The following OPRD1 variants were observed in gnomAD, a reference collection of about 807,000 sequenced individuals.
The protein encoded by OPRD1 is opioid receptor delta 1.
Under a neutral mutation model 17.5 loss-of-function variants are expected in OPRD1, and 19 were observed. The ratio of observed to expected loss-of-function variants is 1.09; its 90% CI spans 0.76 to 1.60. The LOEUF (loss-of-function observed/expected upper bound fraction) is 1.60. Ranked by LOEUF, OPRD1 falls within the 40% of genes most tolerant of loss-of-function variation. OPRD1 has a pLI of 0.00. For missense variants in OPRD1, 483 were observed against 547.2 expected (o/e 0.88, Z 1.17); for synonymous variants, 256 against 240.9 (o/e 1.06, Z -0.58).
chr1:28,832,820 CAT>C (rs903834057), intron 1 of OPRD1, among the ~76,000 whole-genome samples: 2 of 152,148 alleles, frequency 1.3e-5, no homozygotes, highest in African/African-American at 2.4e-5. Flanking sequence ...AATGAGAGAA[CAT>C]GTGTGATGCT....
chr1:28,863,019 G>A lies in OPRD1; in HGVS notation c.855G>A (p.Thr285=). The change falls in exon 3 of 3, where the codon ACG becomes ACA. Residue 285 remains threonine, a synonymous_variant. Coordinates refer to ENST00000234961, the MANE Select transcript of OPRD1 (RefSeq NM_000911.4). ...APIHIFVIVW[T]LVDIDRRDPL... The stretch of plus-strand genomic sequence containing the variant: ...TCCACATCTTCGTCATCGTCTGGAC[G>A]CTGGTGGACATCGACCGGCGCGACC... 6.2e-7 allele frequency: 1 copy of A among 1,608,838 alleles called. No individual in the cohort carries two copies. Among genetic ancestry groups the A allele is most frequent in the Non-Finnish European group, 8.5e-7 (1 of 1,177,668 alleles).
chr1:28,839,241 C>T (rs1406575971), intron 1 of OPRD1, among the ~76,000 whole-genome samples: 1 of 152,130 alleles, frequency 6.6e-6, no homozygotes, highest in Non-Finnish European at 1.5e-5. Flanking sequence ...TTTCTGGTGG[C>T]TCCAGGCTCT....
intron 1 of OPRD1, among the ~76,000 whole-genome samples, chr1:28,820,191 A>AGATTTTTT (rs2088700627): frequency 1.4e-5 from 2 of 148,022 alleles, no homozygotes; most frequent in African/African-American, 5.1e-5. Flanking sequence ...CAGAGGAACT[A>AGATTTTTT]GATTTTTTTT....
In OPRD1 at chr1:28,870,603, C is replaced by T. The variant is rs1183281496; in HGVS notation, c.*7320C>T. 6.6e-6 allele frequency: 1 copy of T among 152,218 alleles called. No individual in the cohort carries two copies. The highest frequency in any genetic ancestry group is 1.5e-5 in the Non-Finnish European group (1 of 68,092). The allele number at this position is 152,218 out of a possible 1,614,324, so 9.4% of individuals were successfully genotyped here. On this transcript the variant is annotated 3_prime_UTR_variant, in exon 3 of 3. Coordinates refer to ENST00000234961, the MANE Select transcript of OPRD1 (RefSeq NM_000911.4). ...AGAAAGGCTTTTCTCTTTTAACCAT[C>T]TCCTTGAATTTCAGAAGGTGGGACA... is the stretch of plus-strand genomic sequence containing the variant.
intron 1 of OPRD1, among the ~76,000 whole-genome samples, chr1:28,846,834 T>C (rs1253135470): frequency 1.3e-5 from 1 of 76,258 alleles, no homozygotes; most frequent in Non-Finnish European, 2.6e-5. Context: ...TCTTTCTTTC[T>C]TTCTTTCTTT....
At chr1:28,840,438 A>G (rs1156256868) in intron 1 of OPRD1, among the ~76,000 whole-genome samples, 2 of 152,198 alleles carry the variant, frequency 1.3e-5, no homozygotes, top group Non-Finnish European at 2.9e-5. Context: ...TGAAGGACAC[A>G]TAGAGTACTT....
At chr1:28,860,257 T>C (rs919021970) in intron 2 of OPRD1, among the ~76,000 whole-genome samples, 3 of 151,782 alleles carry the variant, frequency 2.0e-5, no homozygotes, top group African/African-American at 4.8e-5. Context: ...CCCAGCTACT[T>C]GGGAGGCTGA....
intron 1 of OPRD1, among the ~76,000 whole-genome samples, chr1:28,850,741 C>T (rs931158854): frequency 6.7e-6 from 1 of 150,362 alleles, no homozygotes; most frequent in Non-Finnish European, 1.5e-5. Context: ...TGTGATCACA[C>T]GAGTGCACTC....
Position 28,862,928 on chromosome 1 carries a change from G to T in OPRD1, c.764G>T (p.Ser255Ile). ...TCGGGCTCCAAGGAGAAGGACCGCA[G>T]CCTGCGGCGCATCACGCGCATGGTG... ...LLSGSKEKDR[S>I]LRRITRMVLV... is the part of the protein sequence containing the mutation. Residue 255 changes from serine (S) to isoleucine (I), a missense_variant, in exon 3 of 3, where the codon AGC (serine) becomes ATC (isoleucine). Coordinates refer to ENST00000234961, the MANE Select transcript of OPRD1 (RefSeq NM_000911.4). 6.2e-7 allele frequency: 1 copy of T among 1,612,792 alleles called. No homozygotes were observed.
chr1:28,849,493 T>TAC (rs370722261), intron 1 of OPRD1, among the ~76,000 whole-genome samples: 3 of 151,522 alleles, frequency 2.0e-5, no homozygotes, highest in Admixed American at 6.6e-5. Flanking sequence ...CTGATACACA[T>TAC]ACACACACAC....
rs1430675257 is a variant in OPRD1 at position 28,865,387 on chromosome 1, C to G, written c.*2104C>G. 4 of 152,202 alleles carry G rather than the reference C, an allele frequency of 2.6e-5. No homozygotes were observed. Among genetic ancestry groups the G allele is most frequent in the Non-Finnish European group, 5.9e-5 (4 of 68,042 alleles). 9.4% of individuals were successfully genotyped at this position (152,202 alleles called of 1,614,324 possible). ...GAAAAAGAAACAATATACTTCTTTT[C>G]CCTTTGACAGCCATGTCTTTGGAAC... is the stretch of plus-strand genomic sequence containing the variant. On this transcript the variant is annotated 3_prime_UTR_variant, in exon 3 of 3. Transcript: ENST00000234961.
chr1:28,814,280 T>G (rs2088655193), intron 1 of OPRD1, among the ~76,000 whole-genome samples: 2 of 152,200 alleles, frequency 1.3e-5, no homozygotes, highest in South Asian at 4.1e-4. Flanking sequence ...CCTCAGTTTC[T>G]TCATCTGTAG....
intron 2 of OPRD1, among the ~76,000 whole-genome samples, chr1:28,860,586 A>C (rs138521847): frequency 6.6e-6 from 1 of 152,216 alleles, no homozygotes; most frequent in South Asian, 2.1e-4. Flanking sequence ...CCAAGGCCCA[A>C]TGAATAATAG....
At chr1:28,860,963 C>T (rs1318385277) in intron 2 of OPRD1, among the ~76,000 whole-genome samples, 3 of 152,186 alleles carry the variant, frequency 2.0e-5, no homozygotes, top group Non-Finnish European at 4.4e-5. Context: ...AACTGCATCC[C>T]TCCTGGGGCT....
At chr1:28,826,792 A>G (rs766909010) in intron 1 of OPRD1, among the ~76,000 whole-genome samples, 3 of 152,152 alleles carry the variant, frequency 2.0e-5, no homozygotes, top group Admixed American at 6.6e-5. Context: ...TGCTGCATCA[A>G]TTGAGTCTTT....
At chr1:28,860,515 T>A (rs1161431270) in intron 2 of OPRD1, among the ~76,000 whole-genome samples, 1 of 152,106 alleles carries the variant, frequency 6.6e-6, no homozygotes, top group Non-Finnish European at 1.5e-5. Flanking sequence ...TATCATGAGA[T>A]GTTGAGAAGG....
chr1:28,859,679 T>A (rs1217661074), intron 2 of OPRD1, among the ~76,000 whole-genome samples: 1 of 152,180 alleles, frequency 6.6e-6, no homozygotes, highest in Admixed American at 6.6e-5. Context: ...GATGGTTGGA[T>A]GTCCAGTGAG....
In OPRD1 at chr1:28,834,381, CTTT is replaced by C. The variant is rs11306242; in HGVS notation, c.227+21786_227+21788del. On this transcript the variant is annotated intron_variant, in intron 1 of 2. Transcript: ENST00000234961. ...TCACTAAGTATTTCTTTCTTTTTTT[CTTT>C]TTTTTTTTTTTTTTGAGATAGAGTC... Among the ~76,000 whole-genome samples, 285 of 121,786 alleles carry C rather than the reference CTTT, an allele frequency of 2.3e-3. 3 individuals are homozygous for C. The highest frequency in any genetic ancestry group is 0.019 in the South Asian group (65 of 3,484). 79.9% of individuals were successfully genotyped at this position (121,786 alleles called of 152,430 possible).
At chr1:28,839,215 T>A (rs530743488) in intron 1 of OPRD1, among the ~76,000 whole-genome samples, 2 of 152,158 alleles carry the variant, frequency 1.3e-5, no homozygotes, top group Non-Finnish European at 2.9e-5. Flanking sequence ...GGAGAATCTT[T>A]CCTTGCTTCT....
Sources: allele counts gnomAD v4.1 joint callset (sites outside exome capture counted in the v4.1 genomes callset), GRCh38; gene constraint gnomAD v4.1.1; transcripts MANE v1.5; gene names NCBI Gene and HGNC (gene_info 2026-07-23, HGNC 2026-07-21).